The following WWOX variants were observed in gnomAD, a reference collection of about 807,000 sequenced individuals.
The protein encoded by WWOX is WW domain containing oxidoreductase.
A neutral mutation model predicts 46.2 loss-of-function variants in WWOX; 69 were observed. The ratio of observed to expected loss-of-function variants is 1.49; its 90% confidence interval spans 1.23 to 1.82. WWOX has a LOEUF of 1.82. Ranked by LOEUF, WWOX falls within the 40% of genes most tolerant of loss-of-function variation. The pLI, the probability that WWOX is intolerant of heterozygous loss-of-function variation, is 0.00. For missense variants in WWOX, 919 were observed against 542.6 expected (o/e 1.69, Z -6.89); for synonymous variants, 359 against 202.6 (o/e 1.77, Z -6.56).
intron 8 of WWOX, among the ~76,000 whole-genome samples, chr16:79,163,360 C>A (rs2050524812): frequency 3.3e-5 from 5 of 152,172 alleles, no homozygotes; most frequent in African/African-American, 1.2e-4. Flanking sequence ...CCATTAGTCT[C>A]CCTGAGCCTC....
intron 8 of WWOX, among the ~76,000 whole-genome samples, chr16:78,538,321 G>A (rs865850822): frequency 8.0e-5 from 12 of 150,368 alleles, no homozygotes; most frequent in Middle Eastern, 3.4e-3. Flanking sequence ...AGCTCAGATA[G>A]CAATATCTAG....
chr16:78,939,695 G>A (rs1342863887), intron 8 of WWOX, among the ~76,000 whole-genome samples: 1 of 152,326 alleles, frequency 6.6e-6, no homozygotes, highest in East Asian at 1.9e-4. Flanking sequence ...GAAAGTGTTT[G>A]GGCTTTGTAG....
intron 8 of WWOX, among the ~76,000 whole-genome samples, chr16:79,191,052 G>A (rs1302697962): frequency 2.0e-5 from 3 of 152,026 alleles, no homozygotes; most frequent in Non-Finnish European, 4.4e-5. Flanking sequence ...TTTGTTGTTT[G>A]TTTGTTTTTA....
intron 5 of WWOX, among the ~76,000 whole-genome samples, chr16:78,368,605 C>G (rs1014761410): frequency 6.6e-6 from 1 of 152,204 alleles, no homozygotes; most frequent in Admixed American, 6.5e-5. Context: ...GCAGGGAGAG[C>G]TTGCACTGAG....
intron 8 of WWOX, among the ~76,000 whole-genome samples, chr16:78,456,915 C>A (rs946473448): frequency 6.6e-6 from 1 of 152,230 alleles, no homozygotes; most frequent in Non-Finnish European, 1.5e-5. Flanking sequence ...GTTGGCTGAT[C>A]ACCCTTATGA....
At chr16:79,152,985 G>A (rs2050310776) in intron 8 of WWOX, among the ~76,000 whole-genome samples, 1 of 152,122 alleles carries the variant, frequency 6.6e-6, no homozygotes, top group African/African-American at 2.4e-5. Context: ...CTTGCTGGGG[G>A]AAATACAAGG....
At chr16:78,271,355 C>A (rs904006972) in intron 5 of WWOX, among the ~76,000 whole-genome samples, 1 of 152,200 alleles carries the variant, frequency 6.6e-6, no homozygotes, top group Non-Finnish European at 1.5e-5. Context: ...CTTCCGTCAC[C>A]TCGTGCTTTG....
At position 79,051,682 on chromosome 16, in the gene WWOX, A is replaced by C. The variant is rs868813347; in HGVS notation, c.1057-159926A>C. On this transcript the variant is annotated intron_variant, in intron 8 of 8. Coordinates refer to ENST00000566780, the MANE Select transcript of WWOX (RefSeq NM_016373.4). ...AATTGAATTTGATTTGCACTGTTTC[A>C]CTTCTCTACAAGGGTGTAAAAAGTA... Among the ~76,000 whole-genome samples, 4 of 152,332 alleles carry C rather than the reference A, an allele frequency of 2.6e-5. No individual in the cohort carries two copies. In the South Asian group the frequency reaches 8.3e-4, roughly 32 times the overall value.
rs2035439287 is a variant in WWOX at position 78,178,941 on chromosome 16, G to A, written c.516+14652G>A. On this transcript the variant is annotated intron_variant, in intron 5 of 8. Transcript: ENST00000566780. ...TACCTCGTGTTTAGTCTGTAAACGC[G>A]GATAACCGAGAGCTGGTCAAATGTT... is the stretch of plus-strand genomic sequence containing the variant. Among the ~76,000 whole-genome samples the A allele has an allele frequency of 3.3e-5, 5 of 152,024 alleles. No individual in the cohort carries two copies. In the South Asian group the frequency reaches 6.2e-4, roughly 19 times the overall value.
intron 8 of WWOX, among the ~76,000 whole-genome samples, chr16:78,587,228 GTCTC>G (rs1286079974): frequency 7.8e-6 from 1 of 128,572 alleles, no homozygotes; most frequent in Admixed American, 8.1e-5. Context: ...TAGAAACAGA[GTCTC>G]TCTATGTTGC....
chr16:78,215,100 G>T (rs1200662088), intron 5 of WWOX, among the ~76,000 whole-genome samples: 1 of 152,162 alleles, frequency 6.6e-6, no homozygotes, highest in African/African-American at 2.4e-5. Context: ...GTTAGAGGAT[G>T]GAAGATTGCA....
intron 5 of WWOX, among the ~76,000 whole-genome samples, chr16:78,183,794 G>T (rs924302401): frequency 6.6e-6 from 1 of 152,166 alleles, no homozygotes; most frequent in Non-Finnish European, 1.5e-5. Context: ...GGCCTCCTCA[G>T]TGCCACACAG....
rs374690956 is a variant in WWOX at position 79,096,541 on chromosome 16, C to T, written c.1057-115067C>T. On this transcript the variant is annotated intron_variant, in intron 8 of 8. Coordinates refer to ENST00000566780, the MANE Select transcript of WWOX (RefSeq NM_016373.4). Reference sequence around the variant, plus strand: ...TGGCCCATCCTTTCTCTGTTACCTTCGGAGGAAGCCTTCTCTAGATACCAT... The same window carrying T: ...TGGCCCATCCTTTCTCTGTTACCTTTGGAGGAAGCCTTCTCTAGATACCAT... Among the ~76,000 whole-genome samples the T allele has an allele frequency of 4.6e-5, 7 of 152,264 alleles. No homozygotes were observed. The South Asian group carries it at 8.3e-4, about 18-fold the overall frequency.
intron 8 of WWOX, among the ~76,000 whole-genome samples, chr16:78,961,953 A>G (rs2046279147): frequency 6.6e-6 from 1 of 152,126 alleles, no homozygotes; most frequent in Non-Finnish European, 1.5e-5. Flanking sequence ...TTAGGGATGG[A>G]CCCAGCAGCC....
Position 78,803,137 on chromosome 16 carries a change from G to T in WWOX, c.1056+370385G>T, listed in dbSNP as rs564035535. On this transcript the variant is annotated intron_variant, in intron 8 of 8. Coordinates refer to ENST00000566780, the MANE Select transcript of WWOX (RefSeq NM_016373.4). ...AATTATATATAAATTAGTCTTTCAG[G>T]ATCCAACAGTTCTGATTTATTCCAC... is the stretch of plus-strand genomic sequence containing the variant. 1.5e-4 allele frequency among the ~76,000 whole-genome samples: 22 copies of T among 151,476 alleles called. No homozygotes were observed. The South Asian group carries it at 4.6e-3, about 32-fold the overall frequency.
chr16:79,189,455 G>C (rs1364854002), intron 8 of WWOX, among the ~76,000 whole-genome samples: 1 of 149,412 alleles, frequency 6.7e-6, no homozygotes, highest in African/African-American at 2.5e-5. Flanking sequence ...GTGTGTGTGT[G>C]TGTGTGTGTG....
chr16:78,246,548 T>C (rs4888769), intron 5 of WWOX, among the ~76,000 whole-genome samples: 100,838 of 152,142 alleles, frequency 0.66, 34,387 homozygotes, highest in East Asian at 0.91. Flanking sequence ...CATCAATCAC[T>C]GCTGTTCATG....
At chr16:78,982,502 T>A (rs750280273) in intron 8 of WWOX, among the ~76,000 whole-genome samples, 6 of 152,204 alleles carry the variant, frequency 3.9e-5, no homozygotes, top group Non-Finnish European at 7.3e-5. Flanking sequence ...TTCATAGTGG[T>A]GTGTATGTAT....
intron 7 of WWOX, among the ~76,000 whole-genome samples, chr16:78,428,424 C>A (rs2083137410): frequency 6.6e-6 from 1 of 152,192 alleles, no homozygotes; most frequent in African/African-American, 2.4e-5. Flanking sequence ...TAAAAGTGGA[C>A]TATCTGCCCA....
Sources: gnomAD v4.1 joint callset for allele counts (sites outside exome capture counted in the v4.1 genomes callset) on GRCh38, gnomAD v4.1.1 for gene constraint, MANE v1.5 for transcripts, NCBI Gene and HGNC (gene_info 2026-07-23, HGNC 2026-07-21) for gene names.